FYB2: variants seen among roughly 807,000 people sequenced by gnomAD.
FYB2 encodes FYN binding protein 2.
FYB2 carries 103 observed loss-of-function variants against 94.1 expected under a neutral mutation model. The observed-to-expected ratio is 1.09, with a 90% confidence interval of 0.93 to 1.29. The LOEUF (loss-of-function observed/expected upper bound fraction) is 1.29, where lower values mean the gene tolerates loss of function less well. Ranked by LOEUF, FYB2 falls within the 50% of genes most tolerant of loss-of-function variation. The pLI is 0.00. For missense variants in FYB2, 896 were observed against 841.5 expected (o/e 1.06, Z -0.80); for synonymous variants, 293 against 287.9 (o/e 1.02, Z -0.18).
intron 15 of FYB2, among the ~76,000 whole-genome samples, chr1:56,727,463 A>G (rs963309137): frequency 1.1e-4 from 16 of 152,104 alleles, no homozygotes; most frequent in African/African-American, 3.9e-4. Context: ...AATCGAATGG[A>G]TAAATGAATT....
chr1:56,812,748 C>G (rs747108690), intron 1 of FYB2, among the ~76,000 whole-genome samples: 2 of 152,164 alleles, frequency 1.3e-5, no homozygotes, highest in African/African-American at 4.8e-5. Flanking sequence ...ATAAACACTT[C>G]TCAGATTTCT....
chr1:56,767,943 A>G lies in FYB2; in HGVS notation c.954-5T>C, dbSNP rs753482459. ...TCAAATTCTGCATTGAAAAGCCTGG[A>G]GAAAAAAGGGTTACTTAAAATGTAA... On this transcript the variant is annotated splice_polypyrimidine_tract_variant and splice_region_variant and intron_variant, in intron 4 of 19. Coordinates refer to ENST00000343433, the MANE Select transcript of FYB2 (RefSeq NM_001004303.5). The G allele has an allele frequency of 1.0e-5, 16 of 1,561,974 alleles. No homozygotes were observed. The highest frequency in any genetic ancestry group is 1.4e-5 in the Non-Finnish European group (16 of 1,149,698).
At chr1:56,724,256 C>A (rs1400211608) in intron 16 of FYB2, among the ~76,000 whole-genome samples, 1 of 151,782 alleles carries the variant, frequency 6.6e-6, no homozygotes, top group Non-Finnish European at 1.5e-5. Flanking sequence ...GGATGAATAC[C>A]ATTAAGAAAA....
At chr1:56,774,285 C>T (rs1021420115) in intron 4 of FYB2, among the ~76,000 whole-genome samples, 10 of 152,014 alleles carry the variant, frequency 6.6e-5, no homozygotes, top group Admixed American at 3.3e-4. Flanking sequence ...GTGGGTGGTT[C>T]GACCTAAGTC....
At chr1:56,763,362 T>C (rs1645545237) in intron 5 of FYB2, among the ~76,000 whole-genome samples, 1 of 152,204 alleles carries the variant, frequency 6.6e-6, no homozygotes, top group African/African-American at 2.4e-5. Flanking sequence ...TGATAGAATT[T>C]TTCAGGGAAA....
At chr1:56,744,095 T>C in intron 10 of FYB2, 29 bp from the exon 11 acceptor site, 2 of 1,612,648 alleles carry the variant, frequency 1.2e-6, no homozygotes, top group East Asian at 2.2e-5. Flanking sequence ...AAGACCATTA[T>C]TGTACCTTTA....
In FYB2 at chr1:56,792,587, G is replaced by A. The variant is rs750337787; in HGVS notation, c.226C>T (p.Pro76Ser). Residue 76 changes from proline (P) to serine (S), a missense_variant, in exon 2 of 20, where the codon CCT (proline) becomes TCT (serine). Transcript: ENST00000343433. Reference sequence around the variant, plus strand: ...TTCTGAGCCAACTTTATTTTCTGAGGTTGAAGAGGCTGGGACTCACTACTG... The same window carrying A: ...TTCTGAGCCAACTTTATTTTCTGAGATTGAAGAGGCTGGGACTCACTACTG... ...CSSSESQPLQPQKIKLAQKSE... is the reference protein window; with the variant it reads ...CSSSESQPLQSQKIKLAQKSE... 3 of 1,614,082 alleles carry A rather than the reference G, an allele frequency of 1.9e-6. No individual in the cohort carries two copies. Among genetic ancestry groups the A allele is most frequent in the Non-Finnish European group, 2.5e-6 (3 of 1,179,994 alleles).
intron 4 of FYB2, among the ~76,000 whole-genome samples, chr1:56,773,264 C>T (rs1464231405): frequency 3.3e-5 from 5 of 152,150 alleles, no homozygotes; most frequent in Non-Finnish European, 7.4e-5. Flanking sequence ...AAGGTCCCCG[C>T]AGAATCCCTC....
chr1:56,796,652 AT>A (rs1646405275), intron 1 of FYB2, among the ~76,000 whole-genome samples: 1 of 152,162 alleles, frequency 6.6e-6, no homozygotes, highest in Non-Finnish European at 1.5e-5. Flanking sequence ...TGCTTAGCAC[AT>A]AAGACCCATC....
chr1:56,740,249 C>A (rs1644919975), intron 13 of FYB2, among the ~76,000 whole-genome samples: 1 of 151,996 alleles, frequency 6.6e-6, no homozygotes, highest in Admixed American at 6.6e-5. Context: ...TTCAGCTGAG[C>A]AGCTCATCTC....
At chr1:56,742,829 G>C (rs974433211) in intron 11 of FYB2, among the ~76,000 whole-genome samples, 2 of 151,980 alleles carry the variant, frequency 1.3e-5, no homozygotes, top group African/African-American at 2.4e-5. Context: ...TGAGTGTACT[G>C]GGTTTAATGA....
chr1:56,737,905 C>T (rs764934373), intron 14 of FYB2, among the ~76,000 whole-genome samples: 6 of 151,962 alleles, frequency 3.9e-5, no homozygotes, highest in Admixed American at 6.6e-5. Context: ...GGGATTTTAT[C>T]AGGTATATAT....
At chr1:56,797,000 A>G (rs1646415972) in intron 1 of FYB2, among the ~76,000 whole-genome samples, 1 of 152,184 alleles carries the variant, frequency 6.6e-6, no homozygotes, top group Non-Finnish European at 1.5e-5. Flanking sequence ...GGTTGTTTTA[A>G]CATAATACAG....
intron 1 of FYB2, among the ~76,000 whole-genome samples, chr1:56,813,089 C>T (rs905888394): frequency 3.3e-5 from 5 of 152,186 alleles, no homozygotes; most frequent in African/African-American, 1.2e-4. Flanking sequence ...GGTGTCTTCC[C>T]TGTATCTTCA....
intron 1 of FYB2, among the ~76,000 whole-genome samples, chr1:56,807,961 A>G (rs981771571): frequency 6.6e-6 from 1 of 152,152 alleles, no homozygotes; most frequent in African/African-American, 2.4e-5. Context: ...TAAATAGTAT[A>G]TTTTCTAGAA....
intron 2 of FYB2, among the ~76,000 whole-genome samples, chr1:56,789,761 G>T (rs1238036817): frequency 6.6e-6 from 1 of 152,164 alleles, no homozygotes; most frequent in Non-Finnish European, 1.5e-5. Flanking sequence ...TTCTGTGGGT[G>T]GGGATGGTTT....
chr1:56,753,936 C>T lies in FYB2; in HGVS notation c.1131-1G>A. 6.4e-7 allele frequency: 1 copy of T among 1,573,608 alleles called. No homozygotes were observed. Among genetic ancestry groups the T allele is most frequent in the East Asian group, 2.3e-5 (1 of 43,660 alleles). The stretch of plus-strand genomic sequence containing the variant: ...CATTTTTTTATCTTCATGTTTAGCA[C>T]TGAAATGTGAAGAGATACCAGGAAA... On this transcript the variant is annotated splice_acceptor_variant, in intron 7 of 19. Coordinates refer to ENST00000343433, the MANE Select transcript of FYB2 (RefSeq NM_001004303.5). LOFTEE classifies it high-confidence loss of function.
At chr1:56,806,222 G>C (rs1646644275) in intron 1 of FYB2, among the ~76,000 whole-genome samples, 1 of 152,156 alleles carries the variant, frequency 6.6e-6, no homozygotes, top group Admixed American at 6.5e-5. Flanking sequence ...AGCACCAGAG[G>C]CAGGACAGGG....
chr1:56,752,807 C>A (rs1337116901), intron 8 of FYB2, among the ~76,000 whole-genome samples: 2 of 152,076 alleles, frequency 1.3e-5, no homozygotes, highest in Non-Finnish European at 2.9e-5. Context: ...ACATAGCCAG[C>A]ATTGAAAAAG....
Sources: allele counts gnomAD v4.1 joint callset (sites outside exome capture counted in the v4.1 genomes callset), GRCh38; gene constraint gnomAD v4.1.1; transcripts MANE v1.5; gene names NCBI Gene and HGNC (gene_info 2026-07-23, HGNC 2026-07-21).